The following PCDH9 variants were observed in gnomAD, a reference collection of about 807,000 sequenced individuals.
PCDH9 encodes the protein protocadherin-9.
In PCDH9, 24 loss-of-function variants were observed where a neutral mutation model predicts 70.6. That is an observed-to-expected ratio of 0.34 (90% CI 0.25 to 0.48). The LOEUF is 0.48. Among genes scored for constraint, PCDH9 ranks in the 20% least tolerant of loss-of-function variants. The probability of loss-of-function intolerance (pLI) is 0.99; values close to 1 mark genes in which losing one functional copy is unlikely to be tolerated. For synonymous variants in PCDH9, 562 were observed against 558.5 expected (o/e 1.01, Z -0.09); for missense variants, 1,281 against 1,503.6 (o/e 0.85, Z 2.45).
chr13:67,139,322 C>G (rs548770926), intron 2 of PCDH9, among the ~76,000 whole-genome samples: 1 of 152,338 alleles, frequency 6.6e-6, no homozygotes, highest in South Asian at 2.1e-4. Flanking sequence ...CTTATTGACT[C>G]TTAACCGCTA....
intron 4 of PCDH9, among the ~76,000 whole-genome samples, chr13:66,475,958 T>G (rs781398398): frequency 6.6e-6 from 1 of 152,132 alleles, no homozygotes; most frequent in Non-Finnish European, 1.5e-5. Flanking sequence ...GGACTTTATC[T>G]TTTGTTGTTC....
At chr13:66,557,300 C>T (rs942616622) in intron 4 of PCDH9, among the ~76,000 whole-genome samples, 4 of 152,110 alleles carry the variant, frequency 2.6e-5, no homozygotes, top group African/African-American at 9.7e-5. Flanking sequence ...GAAATTTAGA[C>T]AAATTTTCTT....
chr13:66,419,611 T>C (rs752292463), intron 4 of PCDH9, among the ~76,000 whole-genome samples: 38 of 151,996 alleles, frequency 2.5e-4, no homozygotes, highest in Non-Finnish European at 4.3e-4. Flanking sequence ...CGAGGAACGG[T>C]GCATTCCAGC....
intron 2 of PCDH9, among the ~76,000 whole-genome samples, chr13:67,066,661 C>G (rs541080453): frequency 6.4e-4 from 98 of 152,060 alleles, no homozygotes; most frequent in African/African-American, 2.3e-3. Flanking sequence ...TTTAATGAGG[C>G]CTTTCATACA....
intron 3 of PCDH9, among the ~76,000 whole-genome samples, chr13:66,861,411 C>A (rs2139480461): frequency 6.6e-6 from 1 of 152,270 alleles, no homozygotes; most frequent in Non-Finnish European, 1.5e-5. Context: ...AATATTTTGT[C>A]ACACATTATC....
chr13:66,951,892 A>G (rs2083188098), intron 2 of PCDH9, among the ~76,000 whole-genome samples: 1 of 152,174 alleles, frequency 6.6e-6, no homozygotes, highest in Non-Finnish European at 1.5e-5. Flanking sequence ...AGAAAATTTC[A>G]AAGGAGAGGT....
intron 4 of PCDH9, among the ~76,000 whole-genome samples, chr13:66,479,116 A>G (rs1958788990): frequency 6.6e-6 from 1 of 152,216 alleles, no homozygotes; most frequent in African/African-American, 2.4e-5. Context: ...TCTGTGCTCT[A>G]GAAATGGAAC....
chr13:66,491,385 T>TTTTGTGTGTGTGTGTGTG (rs1555299288), intron 4 of PCDH9, among the ~76,000 whole-genome samples: 70 of 136,136 alleles, frequency 5.1e-4, no homozygotes, highest in Non-Finnish European at 6.3e-4. Context: ...GCAGGAGATA[T>TTTTGTGTGTGTGTGTGTG]TGTGTGTGTG....
intron 3 of PCDH9, among the ~76,000 whole-genome samples, chr13:66,807,911 C>A (rs1417852999): frequency 6.6e-6 from 1 of 152,100 alleles, no homozygotes; most frequent in Non-Finnish European, 1.5e-5. Context: ...AGATATACAG[C>A]ATTTCAGTAT....
chr13:66,317,840 A>T (rs1955680856), intron 4 of PCDH9, among the ~76,000 whole-genome samples: 1 of 152,196 alleles, frequency 6.6e-6, no homozygotes, highest in African/African-American at 2.4e-5. Flanking sequence ...ATTACTTTTC[A>T]CAAAGTTTAG....
chr13:66,637,141 AT>A (rs1411727553), intron 3 of PCDH9, among the ~76,000 whole-genome samples: 1 of 152,158 alleles, frequency 6.6e-6, no homozygotes, highest in African/African-American at 2.4e-5. Flanking sequence ...ACCATCTTAA[AT>A]CAATGCATGC....
At chr13:67,036,789 G>C (rs2085017861) in intron 2 of PCDH9, among the ~76,000 whole-genome samples, 1 of 152,140 alleles carries the variant, frequency 6.6e-6, no homozygotes, top group Admixed American at 6.6e-5. Context: ...AACAATGCGA[G>C]GCACCAGCAC....
At chr13:66,360,762 G>T (rs1242219865) in intron 4 of PCDH9, among the ~76,000 whole-genome samples, 2 of 152,030 alleles carry the variant, frequency 1.3e-5, no homozygotes, top group Admixed American at 1.3e-4. Context: ...ATTTCAAGGT[G>T]AATGGAAATA....
chr13:66,881,554 T>C (rs569516865), intron 3 of PCDH9, among the ~76,000 whole-genome samples: 3 of 152,260 alleles, frequency 2.0e-5, no homozygotes, highest in African/African-American at 7.2e-5. Flanking sequence ...TGAGATTTGG[T>C]TGGGGATGCC....
chr13:66,330,650 AT>A (rs373975772), intron 4 of PCDH9, among the ~76,000 whole-genome samples: 9 of 151,870 alleles, frequency 5.9e-5, no homozygotes, highest in African/African-American at 2.2e-4. Context: ...AAAAAAAAAA[AT>A]TATTTAAATT....
At chr13:66,780,266 G>A (rs575954110) in intron 3 of PCDH9, among the ~76,000 whole-genome samples, 2 of 152,132 alleles carry the variant, frequency 1.3e-5, no homozygotes, top group East Asian at 3.9e-4. Flanking sequence ...GTTTGTTGAT[G>A]GAAGCAAATC....
intron 2 of PCDH9, among the ~76,000 whole-genome samples, chr13:67,053,888 C>T (rs559580914): frequency 6.6e-6 from 1 of 152,282 alleles, no homozygotes; most frequent in South Asian, 2.1e-4. Flanking sequence ...TAACAATTAA[C>T]TCATAAAATG....
rs79604486 is a variant in PCDH9 at position 66,378,429 on chromosome 13, C to G, written c.3341-73401G>C. Reference sequence around the variant, plus strand: ...GAGATTGGGACAATGAATAATCTCTCTGTGTGTGTATGTGTTTAACTGTAA... The same window carrying G: ...GAGATTGGGACAATGAATAATCTCTGTGTGTGTGTATGTGTTTAACTGTAA... On this transcript the variant is annotated intron_variant, in intron 4 of 4. Transcript: ENST00000377865. Among the ~76,000 whole-genome samples, 17 of 152,226 alleles carry G rather than the reference C, an allele frequency of 1.1e-4. No individual in the cohort carries two copies. The East Asian group carries it at 2.5e-3, about 23-fold the overall frequency.
At chr13:66,508,346 C>G (rs755808603) in intron 4 of PCDH9, among the ~76,000 whole-genome samples, 2 of 152,006 alleles carry the variant, frequency 1.3e-5, no homozygotes, top group African/African-American at 2.4e-5. Flanking sequence ...ATGGTGGTTG[C>G]GCAACATTGT....
Sources: gnomAD v4.1 joint callset for allele counts (sites outside exome capture counted in the v4.1 genomes callset) on GRCh38, gnomAD v4.1.1 for gene constraint, MANE v1.5 for transcripts, NCBI Gene and HGNC (gene_info 2026-07-23, HGNC 2026-07-21) for gene names.